The following ITPR1 variants were observed in gnomAD, a reference collection of about 807,000 sequenced individuals.
ITPR1 encodes inositol 1,4,5-trisphosphate-gated calcium channel ITPR1.
In ITPR1, 96 loss-of-function variants were observed where a neutral mutation model predicts 318.4. The ratio of observed to expected loss-of-function variants is 0.30; its 90% CI spans 0.26 to 0.36. The LOEUF (loss-of-function observed/expected upper bound fraction) is 0.36. Among genes scored for constraint, ITPR1 ranks in the 10% least tolerant of loss-of-function variants. The probability of loss-of-function intolerance (pLI) is 1.00; values close to 1 mark genes in which losing one functional copy is unlikely to be tolerated. For missense variants in ITPR1, 2,440 were observed against 3,460.2 expected, an observed-to-expected ratio of 0.71 and a Z score of 7.40; for synonymous variants, 1,312 against 1,289.9, an observed-to-expected ratio of 1.02 and a Z score of -0.37.
Position 4,710,177 on chromosome 3 carries a change from T to C in ITPR1, c.4843-148T>C, listed in dbSNP as rs2041248639. ...TGTTTCAGGTAACCATTGGGCAATGTCTAATAATTTGAGATGCCAGACGGT... is the reference window on the plus strand; with the variant it reads ...TGTTTCAGGTAACCATTGGGCAATGCCTAATAATTTGAGATGCCAGACGGT... On this transcript the variant is annotated intron_variant, in intron 37 of 61. Coordinates refer to ENST00000649015, the MANE Select transcript of ITPR1 (RefSeq NM_001378452.1). This position sits in a 1 kb window ranked among gnomAD's most constrained non-coding sequence, Gnocchi z 4.2. 1 of 631,096 alleles carries C rather than the reference T, an allele frequency of 1.6e-6. No homozygotes were observed. 39.1% of individuals were successfully genotyped at this position (631,096 alleles called of 1,614,324 possible).
Position 4,768,815 on chromosome 3 carries a change from G to A in ITPR1, c.5979+51G>A. The A allele has an allele frequency of 6.4e-6, 10 of 1,559,274 alleles. No homozygotes were observed. The South Asian group carries it at 1.1e-4, about 17-fold the overall frequency. On this transcript the variant is annotated intron_variant, in intron 46 of 61. Coordinates refer to ENST00000649015, the MANE Select transcript of ITPR1 (RefSeq NM_001378452.1). The stretch of plus-strand genomic sequence containing the variant: ...GAGGGAGCTCGGGAAAGGCTGCCAA[G>A]GCCTGCCTTCCTCTGATGGTTCAGC...
At chr3:4,810,479 G>A (rs1350734231) in intron 55 of ITPR1, among the ~76,000 whole-genome samples, 1 of 152,186 alleles carries the variant, frequency 6.6e-6, no homozygotes, top group African/African-American at 2.4e-5. Flanking sequence ...GGGCAAGCCT[G>A]GATTGTGAAG....
chr3:4,772,234 A>G (rs1005662508), intron 46 of ITPR1, among the ~76,000 whole-genome samples: 1 of 152,250 alleles, frequency 6.6e-6, no homozygotes, highest in Admixed American at 6.5e-5. Context: ...GGAGGGAAGG[A>G]GAAGGCATTC....
chr3:4,544,229 G>A (rs2084747002), intron 4 of ITPR1, among the ~76,000 whole-genome samples: 1 of 152,162 alleles, frequency 6.6e-6, no homozygotes, highest in South Asian at 2.1e-4. Context: ...AAATTGTTTG[G>A]GAGACAACAA....
At chr3:4,699,143 G>T (rs9848459) in intron 34 of ITPR1, among the ~76,000 whole-genome samples, 1 of 151,460 alleles carries the variant, frequency 6.6e-6, no homozygotes, top group Non-Finnish European at 1.5e-5. Context: ...GAGTCCAGGA[G>T]TTCGAGACCA....
chr3:4,515,436 A>G (rs1320611663), intron 2 of ITPR1, among the ~76,000 whole-genome samples: 1 of 152,074 alleles, frequency 6.6e-6, no homozygotes, highest in African/African-American at 2.4e-5. Context: ...GGTTTGGAGG[A>G]GGGGTTTTGG....
intron 3 of ITPR1, among the ~76,000 whole-genome samples, chr3:4,519,713 C>T (rs1359180531): frequency 1.3e-5 from 2 of 152,180 alleles, no homozygotes; most frequent in African/African-American, 4.8e-5. Flanking sequence ...CTTGTTTATA[C>T]AGTGAAGTCT....
rs777550817 is a variant in ITPR1 at position 4,833,320 on chromosome 3, C to T, written c.8029-3454C>T. Among the ~76,000 whole-genome samples the T allele has an allele frequency of 2.6e-5, 4 of 152,164 alleles. No homozygotes were observed. In the South Asian group the frequency reaches 6.2e-4, roughly 24 times the overall value. On this transcript the variant is annotated intron_variant, in intron 60 of 61. Coordinates refer to ENST00000649015, the MANE Select transcript of ITPR1 (RefSeq NM_001378452.1). ...GGAGAGAAACTGTTCCTTAAACTTT[C>T]GGCTATGTGCAGACTCTTGCATTGG...
chr3:4,720,899 G>A (rs1010561042), intron 40 of ITPR1, among the ~76,000 whole-genome samples: 1 of 151,998 alleles, frequency 6.6e-6, no homozygotes, highest in African/African-American at 2.4e-5. Flanking sequence ...TTACATTGCT[G>A]TGAACTGCTG....
At chr3:4,677,807 G>C (rs12487282) in intron 24 of ITPR1, among the ~76,000 whole-genome samples, 72,656 of 151,546 alleles carry the variant, frequency 0.48, 17,877 homozygotes, top group Non-Finnish European at 0.51. Flanking sequence ...TTGCTGTTTG[G>C]GGAGAGAATA....
rs766555749 is a variant in ITPR1 at position 4,688,484 on chromosome 3, C to T, written c.3703-11C>T. 46 of 1,613,678 alleles carry T rather than the reference C, an allele frequency of 2.9e-5. No individual in the cohort carries two copies. Among genetic ancestry groups the T allele is most frequent in the Non-Finnish European group, 3.6e-5 (42 of 1,179,738 alleles). On this transcript the variant is annotated splice_polypyrimidine_tract_variant and intron_variant, in intron 30 of 61. Transcript: ENST00000649015. Reference sequence around the variant, plus strand: ...AGCAATCAGTGCTTTCATCTGTCTCCTCCCACACAGGCCGAAGATACCAAG... The same window carrying T: ...AGCAATCAGTGCTTTCATCTGTCTCTTCCCACACAGGCCGAAGATACCAAG...
In ITPR1 at chr3:4,807,404, C is replaced by T. The variant is rs554192106; in HGVS notation, c.7272+1137C>T. ...AAAATGCAACTGTGTGAGATGCTCC[C>T]TTCGCTTAACGTACTTGACTGCCTT... On this transcript the variant is annotated intron_variant, in intron 55 of 61. Coordinates refer to ENST00000649015, the MANE Select transcript of ITPR1 (RefSeq NM_001378452.1). 1.4e-4 allele frequency among the ~76,000 whole-genome samples: 22 copies of T among 152,260 alleles called. No homozygotes were observed. In the East Asian group the frequency reaches 4.1e-3, roughly 28 times the overall value.
intron 4 of ITPR1, among the ~76,000 whole-genome samples, chr3:4,579,579 T>C (rs2089074524): frequency 1.3e-5 from 2 of 152,226 alleles, no homozygotes; most frequent in Admixed American, 1.3e-4. Context: ...GGTTAATCAA[T>C]CACAAGTTGA....
rs1462970629 is a variant in ITPR1, at chr3:4,661,076, G to A, written c.1240G>A (p.Val414Met). 3 of 1,598,244 alleles carry A rather than the reference G, an allele frequency of 1.9e-6. No homozygotes were observed. Among genetic ancestry groups the A allele is most frequent in the African/African-American group, 2.7e-5 (2 of 74,584 alleles). ...IPIDKEEEKP[V>M]MLKIGTSPVK... ...TATTGACAAGGAAGAAGAAAAGCCC[G>A]TGATGCTGAAAGTAAGTCCTGGGAC... The change falls in exon 14 of 62, where the codon GTG becomes ATG. Residue 414 changes from valine to methionine, a missense_variant. Val to Met is a conservative substitution (Grantham distance 21, BLOSUM62 1). This residue lies in a region of ITPR1 where 101 missense variants were observed against 119.6 expected (regional missense o/e 0.84). Transcript: ENST00000649015.
intron 54 of ITPR1, among the ~76,000 whole-genome samples, 184 bp downstream of exon 54, chr3:4,800,784 G>T (rs1281549617): frequency 6.6e-6 from 1 of 152,192 alleles, no homozygotes; most frequent in Non-Finnish European, 1.5e-5. Flanking sequence ...CCTCCGCGTG[G>T]TGCAGTGAGC....
At chr3:4,558,024 C>T (rs1342839668) in intron 4 of ITPR1, among the ~76,000 whole-genome samples, 1 of 152,200 alleles carries the variant, frequency 6.6e-6, no homozygotes, top group Non-Finnish European at 1.5e-5. Flanking sequence ...TTTGTCCCCT[C>T]AGAATAAGTT....
Position 4,836,919 on chromosome 3 carries a change from C to G in ITPR1, c.8174C>G (p.Ser2725Trp). ...KLVTNLSGQL[S>W]ELKDQMTEQR... ...GTCACGAACCTTTCTGGCCAGCTGT[C>G]GGAATTAAAGGATCAGGTAAAGAAA... Residue 2725 changes from serine (S) to tryptophan (W), a missense_variant, in exon 61 of 62, where the codon TCG becomes TGG. By Grantham distance (177) the Ser-to-Trp change is radical. Coordinates refer to ENST00000649015, the MANE Select transcript of ITPR1 (RefSeq NM_001378452.1). The G allele has an allele frequency of 6.3e-7, 1 of 1,588,894 alleles. No individual in the cohort carries two copies.
intron 4 of ITPR1, among the ~76,000 whole-genome samples, chr3:4,624,355 A>G (rs2092745681): frequency 6.6e-6 from 1 of 152,192 alleles, no homozygotes; most frequent in Non-Finnish European, 1.5e-5. Context: ...TTCTGGCCCA[A>G]CCCAGTTTCC....
At chr3:4,697,368 C>G (rs1476697311) in intron 34 of ITPR1, 96 bp downstream of exon 34, 2 of 1,148,982 alleles carry the variant, frequency 1.7e-6, no homozygotes, top group Non-Finnish European at 2.4e-6. Flanking sequence ...TCTTTGTGCA[C>G]ACATGAAGAA....
Sources: gnomAD v4.1 joint callset for allele counts (sites outside exome capture counted in the v4.1 genomes callset) on GRCh38, gnomAD v4.1.1 for gene constraint, gnomAD v4.1.1 regional missense constraint, Gnocchi (gnomAD v3.1) non-coding constraint, MANE v1.5 for transcripts, NCBI Gene and HGNC (gene_info 2026-07-23, HGNC 2026-07-21) for gene names.